The following CTIF variants were observed in gnomAD, a reference collection of about 807,000 sequenced individuals.
CTIF encodes the protein cap binding complex dependent translation initiation factor.
In CTIF, 21 loss-of-function variants were observed where a neutral mutation model predicts 66.0. The observed-to-expected ratio is 0.32, with a 90% CI of 0.23 to 0.46. The LOEUF is 0.46. CTIF is among the 20% of genes least tolerant of loss of function. The probability of loss-of-function intolerance (pLI) is 1.00; values close to 1 mark genes in which losing one functional copy is unlikely to be tolerated. For missense variants in CTIF, 739 were observed against 812.7 expected, an observed-to-expected ratio of 0.91 and a Z score of 1.10; for synonymous variants, 345 against 326.4, an observed-to-expected ratio of 1.06 and a Z score of -0.62.
chr18:48,639,711 C>A (rs1598785351), intron 3 of CTIF, among the ~76,000 whole-genome samples: 1 of 152,170 alleles, frequency 6.6e-6, no homozygotes, highest in Admixed American at 6.5e-5. Context: ...TTGCCACCAG[C>A]CTGGATGGGC....
intron 2 of CTIF, among the ~76,000 whole-genome samples, chr18:48,633,153 T>G (rs1227505099): frequency 2.6e-5 from 4 of 152,146 alleles, no homozygotes; most frequent in Admixed American, 2.0e-4. Flanking sequence ...ATGTTCAGGA[T>G]GCCTGGAAGG....
chr18:48,856,492 A>C (rs973597559), intron 10 of CTIF, among the ~76,000 whole-genome samples: 1 of 152,262 alleles, frequency 6.6e-6, no homozygotes, highest in African/African-American at 2.4e-5. Context: ...TAATAGCTAA[A>C]AGGTGGAAAC....
intron 2 of CTIF, among the ~76,000 whole-genome samples, chr18:48,633,050 T>C (rs1368168555): frequency 9.2e-5 from 3 of 32,624 alleles, no homozygotes; most frequent in Non-Finnish European, 4.1e-4. Flanking sequence ...GGCCCCATCC[T>C]GCCAAGGCCC....
At chr18:48,718,567 A>C (rs1174678574) in intron 7 of CTIF, among the ~76,000 whole-genome samples, 1 of 152,148 alleles carries the variant, frequency 6.6e-6, no homozygotes, top group Non-Finnish European at 1.5e-5. Flanking sequence ...GGATGTCGCC[A>C]CTCAAGAAGA....
At chr18:48,563,549 G>A (rs368854130) in intron 1 of CTIF, among the ~76,000 whole-genome samples, 2 of 152,182 alleles carry the variant, frequency 1.3e-5, no homozygotes, top group East Asian at 3.9e-4. Context: ...TTGACTCACT[G>A]CAACCTCCAC....
At chr18:48,576,502 G>C (rs1392254407) in intron 1 of CTIF, among the ~76,000 whole-genome samples, 1 of 152,232 alleles carries the variant, frequency 6.6e-6, no homozygotes, top group African/African-American at 2.4e-5. Context: ...CTCACGTTGA[G>C]AGTCCTCTTT....
chr18:48,741,271 T>A (rs1353821357), intron 7 of CTIF, among the ~76,000 whole-genome samples: 3 of 116,616 alleles, frequency 2.6e-5, no homozygotes, highest in South Asian at 3.1e-4. Context: ...TGCTCTTTAC[T>A]CTGCCCCCGC....
chr18:48,714,654 G>A (rs1291697211), intron 7 of CTIF, among the ~76,000 whole-genome samples: 1 of 152,168 alleles, frequency 6.6e-6, no homozygotes, highest in African/African-American at 2.4e-5. Context: ...CACTCTCAGG[G>A]GTTTTTGTGT....
At chr18:48,775,765 T>C (rs1460062046) in intron 9 of CTIF, among the ~76,000 whole-genome samples, 1 of 152,046 alleles carries the variant, frequency 6.6e-6, no homozygotes, top group East Asian at 1.9e-4. Flanking sequence ...AGGATCTGGG[T>C]GGAAGGAAGA....
At chr18:48,687,568 CCCTTCCTGGT>C (rs1369093598) in intron 6 of CTIF, among the ~76,000 whole-genome samples, 1 of 152,134 alleles carries the variant, frequency 6.6e-6, no homozygotes, top group Non-Finnish European at 1.5e-5. Flanking sequence ...TTGTATTTGC[CCCTTCCTGGT>C]GGGAAAGACT....
chr18:48,619,028 C>T (rs181773358), intron 1 of CTIF, among the ~76,000 whole-genome samples: 19 of 152,320 alleles, frequency 1.2e-4, no homozygotes, highest in African/African-American at 4.3e-4. Context: ...ATTTAGGGGA[C>T]AGTCTGGTGA....
chr18:48,707,219 GTA>G (rs2092168010), intron 6 of CTIF, among the ~76,000 whole-genome samples: 1 of 152,232 alleles, frequency 6.6e-6, no homozygotes, highest in South Asian at 2.1e-4. Flanking sequence ...AAAGTCCACT[GTA>G]TGTGCTTTTA....
chr18:48,804,294 A>G (rs1421221184), intron 9 of CTIF, among the ~76,000 whole-genome samples: 1 of 152,210 alleles, frequency 6.6e-6, no homozygotes, highest in Non-Finnish European at 1.5e-5. Flanking sequence ...GTCTCCCTCC[A>G]GACAAGATGT....
chr18:48,557,201 C>T (rs916663804), intron 1 of CTIF, among the ~76,000 whole-genome samples: 7 of 152,206 alleles, frequency 4.6e-5, no homozygotes, highest in Admixed American at 3.3e-4. Context: ...ACTGCAGAAA[C>T]AGTACCTTGA....
chr18:48,842,471 C>G (rs1444467696), intron 10 of CTIF, among the ~76,000 whole-genome samples: 1 of 152,180 alleles, frequency 6.6e-6, no homozygotes. Flanking sequence ...GTCAGCCGAG[C>G]GCCCATTCCT....
intron 9 of CTIF, among the ~76,000 whole-genome samples, chr18:48,784,194 C>A (rs891663804): frequency 2.6e-5 from 4 of 152,230 alleles, no homozygotes. Flanking sequence ...GCGGCACACC[C>A]AGACGGCCCC....
intron 7 of CTIF, among the ~76,000 whole-genome samples, chr18:48,735,674 C>G (rs2092495002): frequency 6.6e-6 from 1 of 152,150 alleles, no homozygotes; most frequent in Non-Finnish European, 1.5e-5. Flanking sequence ...GTCCCAGAGC[C>G]CAGTTCCTAC....
intron 7 of CTIF, among the ~76,000 whole-genome samples, chr18:48,728,396 C>T (rs983616943): frequency 2.6e-5 from 4 of 152,202 alleles, no homozygotes; most frequent in African/African-American, 9.7e-5. Context: ...TTAGTTATCT[C>T]TTGCTGTGTA....
chr18:48,700,216 C>T (rs549619855), intron 6 of CTIF, among the ~76,000 whole-genome samples: 1 of 152,224 alleles, frequency 6.6e-6, no homozygotes, highest in Non-Finnish European at 1.5e-5. Flanking sequence ...CCTGTACATG[C>T]TCTCTTTCTG....
Sources: gnomAD v4.1 joint callset for allele counts (sites outside exome capture counted in the v4.1 genomes callset) on GRCh38, gnomAD v4.1.1 for gene constraint, MANE v1.5 for transcripts, NCBI Gene and HGNC (gene_info 2026-07-23, HGNC 2026-07-21) for gene names.